The following OR10K2 variants were observed in gnomAD, a reference collection of about 807,000 sequenced individuals.
The protein encoded by OR10K2 is olfactory receptor 10K2.
For missense variants in OR10K2, 401 were observed against 367.1 expected, an observed-to-expected ratio of 1.09 and a Z score of -0.76; for synonymous variants, 169 against 146.4, an observed-to-expected ratio of 1.15 and a Z score of -1.11.
rs12239443 is a variant in OR10K2, at chr1:158,420,462, T to G, written c.405A>C (p.Leu135=). The G allele has an allele frequency of 0.43, 692,165 of 1,613,598 alleles. 154,237 individuals carry two copies. The highest frequency in any genetic ancestry group is 0.46 in the Non-Finnish European group (544,585 of 1,179,822). Residue 135 remains leucine, a synonymous_variant, in exon 2 of 2, where the codon CTA becomes CTC. Coordinates refer to ENST00000641042, the MANE Select transcript of OR10K2 (RefSeq NM_001004476.2). ...GTCCCATACACACCCCATGTCCCAT[T>G]AGCACTGAGTAGCGCAGTGGGTTAC... is the stretch of plus-strand genomic sequence containing the variant. ...AICNPLRYSV[L]MGHGVCMGLV...
chr1:158,420,978 A>AT, intron 1 of OR10K2, 51 bp from the exon 2 acceptor site: 2 of 981,200 alleles, frequency 2.0e-6, no homozygotes, highest in Admixed American at 5.7e-5. Flanking sequence ...GCGTTCTCAG[A>AT]TTTTGAATTC....
rs1377845702 is a variant in OR10K2 at position 158,420,007 on chromosome 1, G to A, written c.860C>T (p.Pro287Leu). Residue 287 changes from proline (P) to leucine (L), a missense_variant, in exon 2 of 2, where the codon CCA becomes CTA. Transcript: ENST00000641042. ...TTTATTTCTCAAGCTATAAATCATT[G>A]GGTTGAACAATGGAGTTATAATAGT... ...SYTIITPLFN[P>L]MIYSLRNKEF... 6.2e-7 allele frequency: 1 copy of A among 1,613,064 alleles called. No homozygotes were observed. Among genetic ancestry groups the A allele is most frequent in the South Asian group, 1.1e-5 (1 of 91,030 alleles).
At chr1:158,425,397 A>G (rs1315289930) in intron 1 of OR10K2, among the ~76,000 whole-genome samples, 3 of 152,122 alleles carry the variant, frequency 2.0e-5, no homozygotes, top group Non-Finnish European at 2.9e-5. Context: ...TGATTTCCAC[A>G]GTATTATCCT....
In OR10K2 at chr1:158,420,893, A is replaced by C; in HGVS notation, c.-27T>G. ...GAGCATACATCATCAGGAGACAATT[A>C]GGGAGAGAAGAGGAGTCAGCACCAA... On this transcript the variant is annotated 5_prime_UTR_variant, in exon 2 of 2. Transcript: ENST00000641042. The C allele has an allele frequency of 6.3e-7, 1 of 1,594,356 alleles. No individual in the cohort carries two copies. Among genetic ancestry groups the C allele is most frequent in the East Asian group, 2.2e-5 (1 of 44,486 alleles).
intron 1 of OR10K2, among the ~76,000 whole-genome samples, chr1:158,424,744 T>G (rs1237352986): frequency 6.6e-6 from 1 of 151,830 alleles, no homozygotes; most frequent in African/African-American, 2.4e-5. Context: ...AATCTGTGTG[T>G]GTGTGTGTGT....
intron 1 of OR10K2, among the ~76,000 whole-genome samples, chr1:158,422,224 C>T (rs1048360713): frequency 6.6e-6 from 1 of 152,094 alleles, no homozygotes; most frequent in Non-Finnish European, 1.5e-5. Context: ...ATATTAAGTA[C>T]TTAACACCTT....
In OR10K2 at chr1:158,420,562, A is replaced by G; in HGVS notation, c.305T>C (p.Phe102Ser). The change falls in exon 2 of 2, where the codon TTT (phenylalanine) becomes TCT (serine). Residue 102 changes from phenylalanine to serine, a missense_variant. Physicochemically the swap from Phe to Ser is radical, Grantham distance 155. Coordinates refer to ENST00000641042, the MANE Select transcript of OR10K2 (RefSeq NM_001004476.2). ...ISFLGCAIQM[F>S]SFLFLGCSHS... ...AGAGCAGCCAAGGAAGAGGAAGGAA[A>G]ACATTTGGATGGCACAGCCCAGGAA... is the stretch of plus-strand genomic sequence containing the variant. 6.2e-7 allele frequency: 1 copy of G among 1,613,936 alleles called. No homozygotes were observed. The highest frequency in any genetic ancestry group is 8.5e-7 in the Non-Finnish European group (1 of 1,179,910).
intron 1 of OR10K2, among the ~76,000 whole-genome samples, chr1:158,424,441 G>A (rs190144384): frequency 2.0e-5 from 3 of 151,972 alleles, no homozygotes; most frequent in Admixed American, 1.3e-4. Context: ...TATTGCTTTT[G>A]ATGTTTCCAG....
Position 158,420,162 on chromosome 1 carries a change from G to C in OR10K2, c.705C>G (p.Cys235Trp). The C allele has an allele frequency of 6.2e-7, 1 of 1,613,718 alleles. No homozygotes were observed. Among genetic ancestry groups the C allele is most frequent in the Non-Finnish European group, 8.5e-7 (1 of 1,179,850 alleles). ...ILQFPSTLGR[C>W]KAFSTCVSHL... ...GAGATACACAGGTAGAAAAAGCTTT[G>C]CACCTACCCAGTGTGGAAGGAAACT... The change falls in exon 2 of 2, where the codon TGC (cysteine) becomes TGG (tryptophan). Residue 235 changes from cysteine to tryptophan, a missense_variant. Physicochemically the swap from Cys to Trp is radical, Grantham distance 215 (BLOSUM62 -2). Transcript: ENST00000641042.
chr1:158,420,122 T>G lies in OR10K2; in HGVS notation c.745A>C (p.Thr249Pro), dbSNP rs1571261588. The change falls in exon 2 of 2, where the codon ACT becomes CCT. Residue 249 changes from threonine to proline, a missense_variant. Coordinates refer to ENST00000641042, the MANE Select transcript of OR10K2 (RefSeq NM_001004476.2). ...AAGGAGGCACAGCCATAGTGGACAG[T>G]GACAATAATGAGGTGAGATACACAG... ...STCVSHLIIV[T>P]VHYGCASFIY... 1 of 1,613,448 alleles carries G rather than the reference T, an allele frequency of 6.2e-7. No individual in the cohort carries two copies. The highest frequency in any genetic ancestry group is 8.5e-7 in the Non-Finnish European group (1 of 1,179,800).
Position 158,420,527 on chromosome 1 carries a change from G to C in OR10K2, c.340C>G (p.Leu114Val). The C allele has an allele frequency of 6.2e-7, 1 of 1,613,880 alleles. No individual in the cohort carries two copies. The highest frequency in any genetic ancestry group is 2.2e-5 in the East Asian group (1 of 44,862). The change falls in exon 2 of 2, where the codon CTG becomes GTG. Residue 114 changes from leucine (L) to valine (V), a missense_variant. Transcript: ENST00000641042. ...FLFLGCSHSFLLAVMGYDRYI... is the reference protein window; with the variant it reads ...FLFLGCSHSFVLAVMGYDRYI... ...CGATCATAACCCATGACTGCCAGCA[G>C]AAAGGAGTGAGAGCAGCCAAGGAAG...
Position 158,420,878 on chromosome 1 carries a change from C to A in OR10K2, c.-12G>T. The A allele has an allele frequency of 1.2e-6, 2 of 1,607,462 alleles. No individual in the cohort carries two copies. Among genetic ancestry groups the A allele is most frequent in the Non-Finnish European group, 1.7e-6 (2 of 1,176,276 alleles). On this transcript the variant is annotated 5_prime_UTR_variant, in exon 2 of 2. An upstream start codon of the reference 5' UTR is lost. Transcript: ENST00000641042. ...TTGACCCGCTCCATGGAGCATACAT[C>A]ATCAGGAGACAATTAGGGAGAGAAG...
chr1:158,421,680 A>G (rs1251063163), intron 1 of OR10K2, among the ~76,000 whole-genome samples: 1 of 152,012 alleles, frequency 6.6e-6, no homozygotes, highest in African/African-American at 2.4e-5. Flanking sequence ...CCACTCTTAC[A>G]TCTCTGCAAC....
Position 158,423,906 on chromosome 1 carries a change from G to A in OR10K2, c.-62+2027C>T, listed in dbSNP as rs549392599. 1.4e-3 allele frequency among the ~76,000 whole-genome samples: 219 copies of A among 152,012 alleles called. 1 individual carries two copies. Among genetic ancestry groups the A allele is most frequent in the African/African-American group, 5.1e-3 (211 of 41,502 alleles). ...TTGTCTAACAATTCTCATGTTTTAC[G>A]ATTTCATGATTTCTGTTACTATCTA... On this transcript the variant is annotated intron_variant, in intron 1 of 1. Coordinates refer to ENST00000641042, the MANE Select transcript of OR10K2 (RefSeq NM_001004476.2).
intron 1 of OR10K2, 98 bp from the exon 2 acceptor site, chr1:158,421,025 G>A (rs1403964328): frequency 8.6e-6 from 6 of 701,632 alleles, no homozygotes; most frequent in African/African-American, 1.8e-5. Flanking sequence ...GTTTTTCCAA[G>A]ACATGATGTT....
chr1:158,421,319 T>C (rs1395867910), intron 1 of OR10K2, among the ~76,000 whole-genome samples: 2 of 152,152 alleles, frequency 1.3e-5, no homozygotes, highest in African/African-American at 4.8e-5. Context: ...TGGTTCTTAA[T>C]TGTCATTCTC....
At chr1:158,421,937 A>T (rs1252086154) in intron 1 of OR10K2, among the ~76,000 whole-genome samples, 1 of 151,976 alleles carries the variant, frequency 6.6e-6, no homozygotes, top group Non-Finnish European at 1.5e-5. Context: ...TTAGTTTGTT[A>T]TTCACTTTTA....
At chr1:158,424,757 G>GTGTGTGTGTGTGTGTGT (rs1655219135) in intron 1 of OR10K2, among the ~76,000 whole-genome samples, 1 of 150,754 alleles carries the variant, frequency 6.6e-6, no homozygotes. Flanking sequence ...GTGTGTGTGT[G>GTGTGTGTGTGTGTGTGT]GTGAGAAAGG....
In OR10K2 at chr1:158,419,963, AAAGAGCTG is replaced by A; in HGVS notation, c.896_903del (p.Ser299LeufsTer2). 1 of 1,611,304 alleles carries A rather than the reference AAAGAGCTG, an allele frequency of 6.2e-7. No homozygotes were observed. The highest frequency in any genetic ancestry group is 8.5e-7 in the Non-Finnish European group (1 of 1,178,772). ...GAAATTGTTCTTCTCACAATTTTAC[AAAGAGCTG>A]ATTTGAACTCTTTATTTCTCAAGCT... On this transcript the variant is annotated frameshift_variant, in exon 2 of 2. Transcript: ENST00000641042. LOFTEE classifies it low-confidence loss of function (END_TRUNC).
Sources: gnomAD v4.1 joint callset for allele counts (sites outside exome capture counted in the v4.1 genomes callset) on GRCh38, gnomAD v4.1.1 for gene constraint, MANE v1.5 for transcripts, NCBI Gene and HGNC (gene_info 2026-07-23, HGNC 2026-07-21) for gene names.